Variants in CSMD2 observed in about 807,000 individuals in gnomAD.
CSMD2 encodes the protein CUB and sushi domain-containing protein 2.
Under a neutral mutation model 398.5 loss-of-function variants are expected in CSMD2, and 130 were observed. That is an observed-to-expected ratio of 0.33 (90% CI 0.28 to 0.38). The LOEUF is 0.38. CSMD2 is among the 10% of genes least tolerant of loss of function. The probability of loss-of-function intolerance (pLI) is 1.00; values close to 1 mark genes in which losing one functional copy is unlikely to be tolerated. For synonymous variants in CSMD2, 1,828 were observed against 1,908.5 expected (o/e 0.96, Z 1.10); for missense variants, 3,829 against 4,764.9 (o/e 0.80, Z 5.78).
intron 5 of CSMD2, among the ~76,000 whole-genome samples, chr1:33,895,618 G>A (rs539016950): frequency 2.6e-5 from 4 of 152,264 alleles, no homozygotes; most frequent in East Asian, 1.9e-4. Context: ...GCTTGAGCCC[G>A]CCCTCTGGAG....
rs143150710 is a variant in CSMD2 at position 34,154,336 on chromosome 1, T to G, written c.187+10575A>C. Reference sequence around the variant, plus strand: ...TTCCATGGTGCTCTGAAAAACATCATGGCAGAACATGAAAAATTAACACAC... The same window carrying G: ...TTCCATGGTGCTCTGAAAAACATCAGGGCAGAACATGAAAAATTAACACAC... On this transcript the variant is annotated intron_variant, in intron 1 of 70. Transcript: ENST00000373381. Among the ~76,000 whole-genome samples, 28 of 152,306 alleles carry G rather than the reference T, an allele frequency of 1.8e-4. No homozygotes were observed. In the East Asian group the frequency reaches 2.7e-3, roughly 15 times the overall value.
At chr1:33,837,392 T>C (rs1420997861) in intron 6 of CSMD2, among the ~76,000 whole-genome samples, 1 of 137,012 alleles carries the variant, frequency 7.3e-6, no homozygotes, top group Admixed American at 7.3e-5. Flanking sequence ...TGTACATGGA[T>C]TTTTTTTCAT....
Position 33,559,510 on chromosome 1 carries a change from T to G in CSMD2, c.8381-37A>C. ...ACAGAAGATAGGTAAGCCCTCCTAC[T>G]ATTCCACACCCCTCAGAATTTATCC... On this transcript the variant is annotated intron_variant, in intron 53 of 70. Transcript: ENST00000373381. The surrounding 1 kb of genome is among the most constrained non-coding windows in gnomAD (Gnocchi z 4.0). The G allele has an allele frequency of 1.3e-6, 2 of 1,523,676 alleles. No individual in the cohort carries two copies. The highest frequency in any genetic ancestry group is 1.8e-6 in the Non-Finnish European group (2 of 1,136,272). The allele number at this position is 1,523,676 out of a possible 1,614,324, so 94.4% of individuals were successfully genotyped here.
chr1:33,767,428 C>T (rs1650648014), intron 13 of CSMD2, among the ~76,000 whole-genome samples: 1 of 152,132 alleles, frequency 6.6e-6, no homozygotes, highest in Non-Finnish European at 1.5e-5. Context: ...CAAGTATTGG[C>T]CCTTGAGCTC....
intron 37 of CSMD2, among the ~76,000 whole-genome samples, chr1:33,619,786 C>T (rs1641646070): frequency 1.3e-5 from 2 of 152,170 alleles, no homozygotes; most frequent in African/African-American, 2.4e-5. Flanking sequence ...CCAAAACTCT[C>T]AGCAGCTGAG....
rs1400686360 is a variant in CSMD2, at chr1:33,540,681, G to A, written c.9475C>T (p.Pro3159Ser). ...PVCKALMCKPPPLIPNGKVVG... is the reference protein window; with the variant it reads ...PVCKALMCKPSPLIPNGKVVG... The stretch of plus-strand genomic sequence containing the variant: ...ACCTTCCCATTGGGGATGAGCGGAG[G>A]TGGCTTGCACATGAGAGCTGGAGGG... Residue 3159 changes from proline (P) to serine (S), a missense_variant, in exon 60 of 71, where the codon CCT becomes TCT. Around this residue, in one of 5 missense-constraint regions of CSMD2, gnomAD observed 917 missense variants for 1,199.5 expected, o/e 0.76. Coordinates refer to ENST00000373381, the MANE Select transcript of CSMD2 (RefSeq NM_001281956.2). 1 of 1,614,192 alleles carries A rather than the reference G, an allele frequency of 6.2e-7. No individual in the cohort carries two copies. The highest frequency in any genetic ancestry group is 1.1e-5 in the South Asian group (1 of 91,080).
intron 55 of CSMD2, among the ~76,000 whole-genome samples, chr1:33,556,812 C>T (rs1047092871): frequency 8.5e-5 from 13 of 152,244 alleles, no homozygotes; most frequent in South Asian, 4.1e-4. Flanking sequence ...TGGTTTTATA[C>T]GGGGCTTTTC....
At chr1:33,747,031 T>C (rs1647481914) in intron 13 of CSMD2, among the ~76,000 whole-genome samples, 1 of 152,198 alleles carries the variant, frequency 6.6e-6, no homozygotes, top group Non-Finnish European at 1.5e-5. Context: ...GCCAAGTTGT[T>C]AAACAGCAAA....
At chr1:34,088,920 A>G in intron 2 of CSMD2, 57 bp downstream of exon 2, 1 of 1,394,506 alleles carries the variant, frequency 7.2e-7, no homozygotes, top group Non-Finnish European at 1.0e-6. Flanking sequence ...TCTTCCTCCT[A>G]GTGAGCTTGG....
chr1:33,678,180 A>G (rs1241747022), intron 25 of CSMD2, among the ~76,000 whole-genome samples: 2 of 151,776 alleles, frequency 1.3e-5, no homozygotes, highest in East Asian at 3.9e-4. Flanking sequence ...GCCATGTGAC[A>G]TGCTCGCTCC....
chr1:33,943,731 G>T (rs1341732952), intron 3 of CSMD2, among the ~76,000 whole-genome samples: 3 of 152,002 alleles, frequency 2.0e-5, no homozygotes, highest in African/African-American at 2.4e-5. Context: ...CCTGCTTGTT[G>T]TAATTGTTTC....
At chr1:33,936,045 C>T (rs1570560166) in intron 3 of CSMD2, 91 bp from the exon 4 acceptor site, 2 of 1,064,768 alleles carry the variant, frequency 1.9e-6, no homozygotes, top group East Asian at 4.9e-5. Flanking sequence ...CCCTAGGCCA[C>T]TCGGGCTTCC....
rs898673668 is a variant in CSMD2, at chr1:33,519,943, C to G, written c.10605G>C (p.Arg3535Ser). 5.0e-6 allele frequency: 8 copies of G among 1,614,142 alleles called. No homozygotes were observed. Among genetic ancestry groups the G allele is most frequent in the Non-Finnish European group, 6.8e-6 (8 of 1,180,022 alleles). Residue 3535 changes from arginine to serine, a missense_variant, in exon 69 of 71, where the codon AGG becomes AGC. Arg to Ser is a moderately radical substitution (Grantham distance 110, BLOSUM62 -1). Around this residue, in one of 5 missense-constraint regions of CSMD2, gnomAD observed 917 missense variants for 1,199.5 expected, o/e 0.76. Transcript: ENST00000373381. The surrounding 1 kb of genome is among the most constrained non-coding windows in gnomAD (Gnocchi z 5.6). ...TGGACTCGGGGTCTGACTCCAGCAGCCTGAGGTCTGTAAAGTCCCAAAGCA... is the reference window on the plus strand; with the variant it reads ...TGGACTCGGGGTCTGACTCCAGCAGGCTGAGGTCTGTAAAGTCCCAAAGCA... ...GQFGFQRLDL[R>S]LLESDPESIG...
At chr1:34,026,993 A>G (rs944854200) in intron 3 of CSMD2, among the ~76,000 whole-genome samples, 3 of 152,238 alleles carry the variant, frequency 2.0e-5, no homozygotes, top group Non-Finnish European at 2.9e-5. Context: ...GAGCCTTTAA[A>G]TGAACATTTA....
At chr1:33,638,179 C>T (rs538915091) in intron 29 of CSMD2, among the ~76,000 whole-genome samples, 4 of 152,218 alleles carry the variant, frequency 2.6e-5, no homozygotes, top group Admixed American at 6.5e-5. Context: ...TCATGTGCCC[C>T]GTGATGCATT....
intron 70 of CSMD2, among the ~76,000 whole-genome samples, chr1:33,516,850 A>G (rs1360417458): frequency 6.6e-6 from 1 of 152,114 alleles, no homozygotes; most frequent in Non-Finnish European, 1.5e-5. Context: ...GGGGGCCACC[A>G]TACTTTTAGG....
intron 2 of CSMD2, among the ~76,000 whole-genome samples, chr1:34,074,403 T>TG (rs960558055): frequency 5.9e-5 from 9 of 151,946 alleles, no homozygotes; most frequent in African/African-American, 2.2e-4. Flanking sequence ...CCCGGGCCAC[T>TG]GCTCCACCTT....
intron 3 of CSMD2, among the ~76,000 whole-genome samples, chr1:34,023,520 G>A (rs546740787): frequency 6.6e-6 from 1 of 152,282 alleles, no homozygotes; most frequent in East Asian, 1.9e-4. Flanking sequence ...TGTGTGGCAG[G>A]CCCTAGACTA....
intron 5 of CSMD2, among the ~76,000 whole-genome samples, chr1:33,859,181 T>C (rs140179216): frequency 9.2e-5 from 14 of 152,314 alleles, no homozygotes; most frequent in African/African-American, 2.9e-4. Context: ...TATTGTGTTA[T>C]AATTCTGGAG....
Sources: allele counts gnomAD v4.1 joint callset (sites outside exome capture counted in the v4.1 genomes callset), GRCh38; gene constraint gnomAD v4.1.1; regional missense constraint gnomAD v4.1.1; non-coding constraint Gnocchi (gnomAD v3.1); transcripts MANE v1.5; gene names NCBI Gene and HGNC (gene_info 2026-07-23, HGNC 2026-07-21).